The following NEK11 variants were observed in gnomAD, a reference collection of about 807,000 sequenced individuals.
NEK11 encodes the protein NIMA related kinase 11.
In NEK11, 72 loss-of-function variants were observed where a neutral mutation model predicts 80.7. That is an observed-to-expected ratio of 0.89 (90% CI 0.74 to 1.08). NEK11 has a LOEUF of 1.08. NEK11 is among the 50% of genes least tolerant of loss of function. NEK11 has a pLI of 0.00. For synonymous variants in NEK11, 251 were observed against 260.7 expected, an observed-to-expected ratio of 0.96 and a Z score of 0.36; for missense variants, 764 against 763.6, an observed-to-expected ratio of 1.00 and a Z score of -0.01.
At chr3:131,059,920 A>G (rs954923530) in intron 3 of NEK11, among the ~76,000 whole-genome samples, 1 of 152,234 alleles carries the variant, frequency 6.6e-6, no homozygotes, top group African/African-American at 2.4e-5. Context: ...CTTGACTAAC[A>G]CAGACAGGAC....
At chr3:131,169,403 A>T in intron 13 of NEK11, among the ~76,000 whole-genome samples, 1 of 152,194 alleles carries the variant, frequency 6.6e-6, no homozygotes. Context: ...TATTTGAGGC[A>T]TGTAGAGAGA....
chr3:131,175,285 G>T (rs148377507), intron 14 of NEK11: 2 of 241,814 alleles, frequency 8.3e-6, no homozygotes, highest in Admixed American at 6.5e-5. Flanking sequence ...TCTACAAGAA[G>T]ACCTGTTCAC....
At chr3:131,146,043 TTC>T (rs1266075212) in intron 7 of NEK11, among the ~76,000 whole-genome samples, 2 of 152,210 alleles carry the variant, frequency 1.3e-5, no homozygotes, top group East Asian at 3.9e-4. Flanking sequence ...CTTTAAAATG[TTC>T]TGGATCAGGG....
chr3:131,150,180 C>T (rs1256879565), intron 7 of NEK11, among the ~76,000 whole-genome samples: 1 of 151,930 alleles, frequency 6.6e-6, no homozygotes, highest in East Asian at 1.9e-4. Context: ...CACAATTTTA[C>T]TGTGGTCTGA....
intron 14 of NEK11, among the ~76,000 whole-genome samples, chr3:131,208,520 T>A (rs1456449231): frequency 1.3e-5 from 2 of 152,208 alleles, no homozygotes; most frequent in African/African-American, 4.8e-5. Context: ...GGTAGCTTGA[T>A]GGGGATGGCA....
intron 4 of NEK11, among the ~76,000 whole-genome samples, chr3:131,092,341 A>T (rs2076857746): frequency 6.6e-6 from 1 of 152,228 alleles, no homozygotes; most frequent in African/African-American, 2.4e-5. Flanking sequence ...ATAGAACACC[A>T]GGGAGACTAT....
chr3:131,089,146 A>G (rs2076394004), intron 4 of NEK11, among the ~76,000 whole-genome samples: 1 of 152,196 alleles, frequency 6.6e-6, no homozygotes, highest in African/African-American at 2.4e-5. Context: ...GCCTGTTTAT[A>G]TTATTGCCTA....
intron 17 of NEK11, among the ~76,000 whole-genome samples, chr3:131,323,801 G>C (rs1247487465): frequency 6.6e-6 from 1 of 152,188 alleles, no homozygotes; most frequent in East Asian, 1.9e-4. Context: ...TCTTCTTAAT[G>C]AGTGTCTCTA....
intron 16 of NEK11, among the ~76,000 whole-genome samples, chr3:131,248,103 G>T (rs1336856002): frequency 2.0e-5 from 3 of 152,036 alleles, no homozygotes; most frequent in Admixed American, 6.6e-5. Flanking sequence ...TTGCTTGGTT[G>T]CTCTGGGTAG....
intron 3 of NEK11, among the ~76,000 whole-genome samples, chr3:131,066,507 A>G (rs537769994): frequency 2.0e-5 from 3 of 152,152 alleles, no homozygotes; most frequent in South Asian, 4.2e-4. Context: ...GCAGCATCCC[A>G]TAGGGGTGAG....
chr3:131,166,811 C>T (rs1322340959), intron 12 of NEK11, among the ~76,000 whole-genome samples: 1 of 152,108 alleles, frequency 6.6e-6, no homozygotes, highest in Non-Finnish European at 1.5e-5. Context: ...GGAGAAAGGT[C>T]TTGATGCCAC....
intron 14 of NEK11, among the ~76,000 whole-genome samples, chr3:131,212,435 C>T (rs530849295): frequency 5.3e-5 from 8 of 152,278 alleles, no homozygotes; most frequent in Middle Eastern, 3.4e-3. Context: ...TTAGGCTGCT[C>T]GGGGGTCAGG....
intron 14 of NEK11, among the ~76,000 whole-genome samples, chr3:131,176,490 T>G (rs1180149770): frequency 6.6e-6 from 1 of 152,238 alleles, no homozygotes; most frequent in Non-Finnish European, 1.5e-5. Flanking sequence ...GGAATAAAGA[T>G]GCCTGCAGTT....
chr3:131,119,243 A>G (rs903885740), intron 5 of NEK11, among the ~76,000 whole-genome samples: 3 of 152,138 alleles, frequency 2.0e-5, no homozygotes, highest in African/African-American at 4.8e-5. Flanking sequence ...TAGTCATTCA[A>G]GAGCAGGTTG....
At chr3:131,036,232 T>C (rs1452945695) in intron 3 of NEK11, among the ~76,000 whole-genome samples, 1 of 152,180 alleles carries the variant, frequency 6.6e-6, no homozygotes, top group Non-Finnish European at 1.5e-5. Context: ...ACAAAACCTA[T>C]AAAATAAAGT....
intron 3 of NEK11, among the ~76,000 whole-genome samples, chr3:131,057,606 T>G (rs1434134912): frequency 4.6e-5 from 7 of 152,308 alleles, no homozygotes; most frequent in African/African-American, 9.6e-5. Context: ...GGTATCTAAT[T>G]GTGGTTTTGA....
At chr3:131,057,111 C>T (rs2069687690) in intron 3 of NEK11, among the ~76,000 whole-genome samples, 1 of 139,868 alleles carries the variant, frequency 7.1e-6, no homozygotes, top group Non-Finnish European at 1.5e-5. Context: ...TTGTTCGATT[C>T]CCATCTATGA....
intron 5 of NEK11, among the ~76,000 whole-genome samples, chr3:131,129,111 C>T (rs914660900): frequency 1.2e-4 from 15 of 129,390 alleles, no homozygotes; most frequent in Admixed American, 6.5e-4. Flanking sequence ...GTGTCAGAGT[C>T]GCAATCTTGG....
At chr3:131,278,070 T>TAAA (rs1288008587) in intron 17 of NEK11, among the ~76,000 whole-genome samples, 8 of 152,228 alleles carry the variant, frequency 5.3e-5, no homozygotes, top group African/African-American at 1.9e-4. Flanking sequence ...AGCTGTTTGT[T>TAAA]AAGACATGCA....
Sources: allele counts gnomAD v4.1 joint callset (sites outside exome capture counted in the v4.1 genomes callset), GRCh38; gene constraint gnomAD v4.1.1; transcripts MANE v1.5; gene names NCBI Gene and HGNC (gene_info 2026-07-23, HGNC 2026-07-21).